Variants in OGA observed in about 807,000 individuals in gnomAD.
The protein encoded by OGA is protein O-GlcNAcase.
Under a neutral mutation model 102.0 loss-of-function variants are expected in OGA, and 21 were observed. The observed-to-expected ratio is 0.21, with a 90% confidence interval of 0.15 to 0.30. The LOEUF (loss-of-function observed/expected upper bound fraction) is 0.30. Among genes scored for constraint, OGA ranks in the 10% least tolerant of loss-of-function variants. The pLI, the probability that OGA is intolerant of heterozygous loss-of-function variation, is 1.00. For synonymous variants in OGA, 408 were observed against 378.2 expected, an observed-to-expected ratio of 1.08 and a Z score of -0.91; for missense variants, 765 against 1,107.8, an observed-to-expected ratio of 0.69 and a Z score of 4.39.
chr10:101,791,673 G>GT (rs1564640146), intron 12 of OGA, among the ~76,000 whole-genome samples: 1 of 152,142 alleles, frequency 6.6e-6, no homozygotes, highest in African/African-American at 2.4e-5. Flanking sequence ...GCAGAGGATG[G>GT]TTTTTTTGTT....
Position 101,806,025 on chromosome 10 carries a change from A to G in OGA, c.751+20T>C, listed in dbSNP as rs762927542. On this transcript the variant is annotated intron_variant, in intron 6 of 15. Transcript: ENST00000361464. ...TCCTACTTAATTCAACTTTGACTGT[A>G]TAAATCTTAAAAGACTTACCTGTCC... 4.0e-6 allele frequency: 6 copies of G among 1,513,142 alleles called. No individual in the cohort carries two copies. The highest frequency in any genetic ancestry group is 3.4e-5 in the South Asian group (3 of 88,954). The allele number at this position is 1,513,142 out of a possible 1,614,324, so 93.7% of individuals were successfully genotyped here.
In OGA at chr10:101,818,367, G is replaced by A. The variant is rs922661312; in HGVS notation, c.-345C>T. 9.4e-7 allele frequency: 1 copy of A among 1,065,938 alleles called. No individual in the cohort carries two copies. The highest frequency in any genetic ancestry group is 1.1e-6 in the Non-Finnish European group (1 of 880,500). 66.0% of individuals were successfully genotyped at this position (1,065,938 alleles called of 1,614,324 possible). On this transcript the variant is annotated 5_prime_UTR_variant, in exon 1 of 16. Coordinates refer to ENST00000361464, the MANE Select transcript of OGA (RefSeq NM_012215.5). ...CTCTGCTGCCCTCCCGATAATCTTA[G>A]GTCTTCCGCTGTTTCCCCTCCAAGC...
At position 101,815,961 on chromosome 10, in the gene OGA, G is replaced by GAAAAAAAAAAAA. The variant is rs1185344174; in HGVS notation, c.199+1862_199+1863insTTTTTTTTTTTT. Among the ~76,000 whole-genome samples the GAAAAAAAAAAAA allele has an allele frequency of 1.9e-3, 45 of 23,770 alleles. 11 individuals carry two copies. The highest frequency in any genetic ancestry group is 9.9e-3 in the East Asian group (3 of 302). The allele number at this position is 23,770 out of a possible 152,430, so 15.6% of individuals were successfully genotyped here. A position where few individuals can be genotyped will look rare whatever the true frequency, so the allele number is the denominator to read the frequency against. On this transcript the variant is annotated intron_variant, in intron 1 of 15. Transcript: ENST00000361464. The stretch of plus-strand genomic sequence containing the variant: ...TGCCAACCAAGAGGTATCAAAAAGA[G>GAAAAAAAAAAAA]AGAAAAAAAAAAAAAAAAAAAAAAA...
chr10:101,793,814 G>T, intron 11 of OGA, 99 bp downstream of exon 11: 1 of 862,120 alleles, frequency 1.2e-6, no homozygotes. Context: ...GGACTAGAAA[G>T]CCTTCGGCAG....
chr10:101,807,635 G>C, intron 5 of OGA, 95 bp downstream of exon 5: 1 of 853,640 alleles, frequency 1.2e-6, no homozygotes, highest in South Asian at 3.9e-5. Context: ...CACACCAAAG[G>C]AGGAGGGAAG....
Position 101,791,339 on chromosome 10 carries a change from A to C in OGA, c.2261+15T>G, listed in dbSNP as rs2065257016. On this transcript the variant is annotated intron_variant, in intron 13 of 15. Coordinates refer to ENST00000361464, the MANE Select transcript of OGA (RefSeq NM_012215.5). ...ATGAAAGGTCTACTCTCAAATCCAA[A>C]TACTTATCACATACTTGTCTCCAAT... The C allele has an allele frequency of 1.3e-6, 2 of 1,599,770 alleles. No individual in the cohort carries two copies. The highest frequency in any genetic ancestry group is 2.7e-5 in the African/African-American group (2 of 74,634).
At position 101,799,112 on chromosome 10, in the gene OGA, C is replaced by T. The variant is rs2065356977; in HGVS notation, c.1539G>A (p.Glu513=). Residue 513 remains glutamate, a synonymous_variant, in exon 9 of 16, where the codon GAG becomes GAA. Transcript: ENST00000361464. ...TAATACAATCTTCTTGCATGGACAT[C>T]TCTGGGGATTTTGATTCAGCTATGC... ...KESIAESKSP[E]MSMQEDCISD... is the part of the protein sequence containing the mutation. 2 of 1,614,222 alleles carry T rather than the reference C, an allele frequency of 1.2e-6. No homozygotes were observed. Among genetic ancestry groups the T allele is most frequent in the East Asian group, 4.5e-5 (2 of 44,886 alleles).
rs1257385556 is a variant in OGA, at chr10:101,791,107, G to T, written c.2262-19C>A. ...TACTAACCTGCTCAGAAGGAAAGAGGCCACAGTAAACTTTTCAGTTGCTAA... is the reference window on the plus strand; with the variant it reads ...TACTAACCTGCTCAGAAGGAAAGAGTCCACAGTAAACTTTTCAGTTGCTAA... On this transcript the variant is annotated intron_variant, in intron 13 of 15. Coordinates refer to ENST00000361464, the MANE Select transcript of OGA (RefSeq NM_012215.5). 10 of 1,579,452 alleles carry T rather than the reference G, an allele frequency of 6.3e-6. No individual in the cohort carries two copies. The highest frequency in any genetic ancestry group is 7.7e-6 in the Non-Finnish European group (9 of 1,167,974).
At chr10:101,794,881 T>C (rs1022358809) in intron 10 of OGA, among the ~76,000 whole-genome samples, 4 of 152,132 alleles carry the variant, frequency 2.6e-5, no homozygotes, top group African/African-American at 9.7e-5. Flanking sequence ...AGCAGCGCAA[T>C]ATAGTTCTTT....
intron 1 of OGA, among the ~76,000 whole-genome samples, chr10:101,814,824 CA>C (rs1241815486): frequency 3.3e-4 from 50 of 152,302 alleles, no homozygotes; most frequent in African/African-American, 1.1e-3. Flanking sequence ...TCTAAGAGGA[CA>C]AAACACTAGT....
Position 101,803,894 on chromosome 10 carries a change from G to A in OGA, c.877C>T (p.Leu293=). Residue 293 remains leucine (L), a synonymous_variant, in exon 7 of 16, where the codon CTG becomes TTG. Coordinates refer to ENST00000361464, the MANE Select transcript of OGA (RefSeq NM_012215.5). ...ANDYDQKRLF[L]GPYKGRSTEL... ...GTGGATCTTCCTTTGTACGGGCCCA[G>A]AAACAGTCTCTTCTGATCATAATCA... is the stretch of plus-strand genomic sequence containing the variant. 6.2e-7 allele frequency: 1 copy of A among 1,614,208 alleles called. No individual in the cohort carries two copies.
At chr10:101,797,562 G>A (rs1404115711) in intron 10 of OGA, 2 of 244,056 alleles carry the variant, frequency 8.2e-6, no homozygotes, top group Non-Finnish European at 1.6e-5. Context: ...AGGCCCTTTA[G>A]GTCATTTCAG....
chr10:101,804,281 T>C (rs1417589383), intron 6 of OGA, among the ~76,000 whole-genome samples: 4 of 149,990 alleles, frequency 2.7e-5, no homozygotes, highest in Non-Finnish European at 4.5e-5. Flanking sequence ...ACTTTTTTTT[T>C]TTTTTTTTTG....
At position 101,785,191 on chromosome 10, in the gene OGA, C is replaced by A. The variant is rs1240855319; in HGVS notation, c.*1260G>T. 1 of 152,210 alleles carries A rather than the reference C, an allele frequency of 6.6e-6. No homozygotes were observed. Among genetic ancestry groups the A allele is most frequent in the Non-Finnish European group, 1.5e-5 (1 of 68,044 alleles). 9.4% of individuals were successfully genotyped at this position (152,210 alleles called of 1,614,324 possible). A position where few individuals can be genotyped will look rare whatever the true frequency, so the allele number is the denominator to read the frequency against. The stretch of plus-strand genomic sequence containing the variant: ...AGCCATGATGAAAAAATGAGTCCTG[C>A]CGACTATCTGCCAGCTTCATGCTCA... On this transcript the variant is annotated 3_prime_UTR_variant, in exon 16 of 16. Coordinates refer to ENST00000361464, the MANE Select transcript of OGA (RefSeq NM_012215.5).
At chr10:101,786,676 T>C in intron 15 of OGA, 89 bp from the exon 16 acceptor site, 1 of 1,122,858 alleles carries the variant, frequency 8.9e-7, no homozygotes, top group Non-Finnish European at 1.2e-6. Context: ...AGATGGTTAA[T>C]ATAAACAGGG....
chr10:101,817,744 C>T, intron 1 of OGA, 80 bp downstream of exon 1: 2 of 1,476,698 alleles, frequency 1.4e-6, no homozygotes, highest in Non-Finnish European at 1.8e-6. Flanking sequence ...CTTTTAGAGT[C>T]TCCAAAATCC....
chr10:101,807,679 G>A, intron 5 of OGA, 51 bp downstream of exon 5: 7 of 1,286,012 alleles, frequency 5.4e-6, no homozygotes, highest in Non-Finnish European at 7.3e-6. Context: ...TCCTTTATAA[G>A]TTATATATTC....
Position 101,801,354 on chromosome 10 carries a change from T to C in OGA, c.1037-954A>G, listed in dbSNP as rs1393215820. Among the ~76,000 whole-genome samples, 5 of 148,886 alleles carry C rather than the reference T, an allele frequency of 3.4e-5. No individual in the cohort carries two copies. The South Asian group carries it at 1.1e-3, about 32-fold the overall frequency. ...TTGCAGTGAGCTGAGATCGGGCCATTGCACTCCAGCCTGAGCAACAAGAGC... is the reference window on the plus strand; with the variant it reads ...TTGCAGTGAGCTGAGATCGGGCCATCGCACTCCAGCCTGAGCAACAAGAGC... On this transcript the variant is annotated intron_variant, in intron 7 of 15. Coordinates refer to ENST00000361464, the MANE Select transcript of OGA (RefSeq NM_012215.5).
chr10:101,811,304 G>C (rs745465403), intron 3 of OGA, among the ~76,000 whole-genome samples: 13 of 147,914 alleles, frequency 8.8e-5, no homozygotes, highest in Non-Finnish European at 1.8e-4. Flanking sequence ...CAGGAGAATT[G>C]CTTGAACCCT....
Sources: allele counts gnomAD v4.1 joint callset (sites outside exome capture counted in the v4.1 genomes callset), GRCh38; gene constraint gnomAD v4.1.1; transcripts MANE v1.5; gene names NCBI Gene and HGNC (gene_info 2026-07-23, HGNC 2026-07-21).